The following OR2A12 variants were observed in gnomAD, a reference collection of about 807,000 sequenced individuals.
OR2A12 encodes olfactory receptor 2A12.
For missense variants in OR2A12, 380 were observed against 372.5 expected, an observed-to-expected ratio of 1.02 and a Z score of -0.17; for synonymous variants, 153 against 149.3, an observed-to-expected ratio of 1.02 and a Z score of -0.18.
chr7:144,089,056 C>T (rs866306665), intron 1 of OR2A12, among the ~76,000 whole-genome samples: 1 of 152,068 alleles, frequency 6.6e-6, no homozygotes, highest in Non-Finnish European at 1.5e-5. Context: ...AAACATTCAC[C>T]GTTAAGTATA....
chr7:144,093,681 T>C (rs10226127), intron 1 of OR2A12, among the ~76,000 whole-genome samples: 1 of 144,546 alleles, frequency 6.9e-6, no homozygotes, highest in African/African-American at 2.6e-5. Context: ...CTTGTGTCCA[T>C]GTGTTCTCAT....
At chr7:144,087,076 A>G (rs572201658) in intron 1 of OR2A12, among the ~76,000 whole-genome samples, 1 of 152,282 alleles carries the variant, frequency 6.6e-6, no homozygotes, top group Admixed American at 6.5e-5. Flanking sequence ...GAAGAGGCAT[A>G]AGAGTCATAT....
chr7:144,098,752 A>C lies in OR2A12; in HGVS notation c.*2712A>C, dbSNP rs992972360. 6.6e-6 allele frequency: 1 copy of C among 152,324 alleles called. No homozygotes were observed. Among genetic ancestry groups the C allele is most frequent in the Non-Finnish European group, 1.5e-5 (1 of 68,034 alleles). The allele number at this position is 152,324 out of a possible 1,614,324, so 9.4% of individuals were successfully genotyped here. ...CACATGGCAGAGAGAGAGAGAGCCC[A>C]TATTCTCAATACAATACTAACTCTA... On this transcript the variant is annotated 3_prime_UTR_variant, in exon 2 of 2. Coordinates refer to ENST00000641592, the MANE Select transcript of OR2A12 (RefSeq NM_001004135.2).
chr7:144,088,684 C>T (rs2051204500), intron 1 of OR2A12, among the ~76,000 whole-genome samples: 1 of 152,052 alleles, frequency 6.6e-6, no homozygotes, highest in Non-Finnish European at 1.5e-5. Flanking sequence ...TGTACATTGA[C>T]CTTGAATCCA....
chr7:144,091,694 T>C (rs2051229031), intron 1 of OR2A12, among the ~76,000 whole-genome samples: 1 of 152,008 alleles, frequency 6.6e-6, no homozygotes, highest in Non-Finnish European at 1.5e-5. Flanking sequence ...TTGCTTACTT[T>C]TTAATGGGAT....
intron 1 of OR2A12, 140 bp downstream of exon 1, chr7:144,086,683 C>A (rs1454532166): frequency 6.6e-6 from 1 of 152,232 alleles, no homozygotes; most frequent in Non-Finnish European, 1.5e-5. Context: ...ACCCAACCTG[C>A]TTCAGGTGCA....
chr7:144,087,781 C>T (rs1164079119), intron 1 of OR2A12, among the ~76,000 whole-genome samples: 4 of 152,102 alleles, frequency 2.6e-5, no homozygotes, highest in Non-Finnish European at 2.9e-5. Flanking sequence ...GTTTAAGAAA[C>T]GTTCGCTACT....
rs1458970991 is a variant in OR2A12 at position 144,098,207 on chromosome 7, G to C, written c.*2167G>C. The C allele has an allele frequency of 6.6e-6, 1 of 152,060 alleles. No homozygotes were observed. Among genetic ancestry groups the C allele is most frequent in the Non-Finnish European group, 1.5e-5 (1 of 68,010 alleles). The allele number at this position is 152,060 out of a possible 1,614,324, so 9.4% of individuals were successfully genotyped here. On this transcript the variant is annotated 3_prime_UTR_variant, in exon 2 of 2. Transcript: ENST00000641592. The stretch of plus-strand genomic sequence containing the variant: ...CTTTTTATGGCATTATTAAGTACTT[G>C]AAGTTTTTCCCTTTATATATTTTTT...
In OR2A12 at chr7:144,097,202, A is replaced by C. The variant is rs2128803449; in HGVS notation, c.*1162A>C. On this transcript the variant is annotated 3_prime_UTR_variant, in exon 2 of 2. Coordinates refer to ENST00000641592, the MANE Select transcript of OR2A12 (RefSeq NM_001004135.2). ...CAAAATCAATATAAAAATATATTAT[A>C]TTTTTAAAGCAGTAACAAACAATTA... is the stretch of plus-strand genomic sequence containing the variant. The C allele has an allele frequency of 6.6e-6, 1 of 152,204 alleles. No individual in the cohort carries two copies. Among genetic ancestry groups the C allele is most frequent in the East Asian group, 1.9e-4 (1 of 5,188 alleles). 9.4% of individuals were successfully genotyped at this position (152,204 alleles called of 1,614,324 possible).
At chr7:144,087,970 T>C (rs1315378244) in intron 1 of OR2A12, among the ~76,000 whole-genome samples, 1 of 152,200 alleles carries the variant, frequency 6.6e-6, no homozygotes, top group Non-Finnish European at 1.5e-5. Flanking sequence ...AAAACACCAG[T>C]GCCAACTTTG....
Position 144,095,678 on chromosome 7 carries a change from A to C in OR2A12, c.571A>C (p.Thr191Pro). ...CGTATTCAAATTGGCCTGTGCTGAC[A>C]CTAGGCTCAACCAGGTGGTCCTATT... ...MSVFKLACAD[T>P]RLNQVVLFAG... The change falls in exon 2 of 2, where the codon ACT (threonine) becomes CCT (proline). Residue 191 changes from threonine to proline, a missense_variant. Physicochemically the swap from Thr to Pro is conservative, Grantham distance 38 (BLOSUM62 -1). Coordinates refer to ENST00000641592, the MANE Select transcript of OR2A12 (RefSeq NM_001004135.2). 6.2e-7 allele frequency: 1 copy of C among 1,614,142 alleles called. No individual in the cohort carries two copies. Among genetic ancestry groups the C allele is most frequent in the South Asian group, 1.1e-5 (1 of 91,086 alleles).
intron 1 of OR2A12, among the ~76,000 whole-genome samples, chr7:144,091,763 A>G (rs1447209966): frequency 6.6e-6 from 1 of 152,042 alleles, no homozygotes; most frequent in Non-Finnish European, 1.5e-5. Flanking sequence ...CCTTTGTCAG[A>G]TGTATAGTTT....
Position 144,095,206 on chromosome 7 carries a change from C to G in OR2A12, c.99C>G (p.Phe33Leu). Reference sequence around the variant, plus strand: ...TCCTCTTTGGGTTTTTCTTGCTATTCTACAGCTTAACCCTGATGGGAAATG... The same window carrying G: ...TCCTCTTTGGGTTTTTCTTGCTATTGTACAGCTTAACCCTGATGGGAAATG... ...ELFLFGFFLL[F>L]YSLTLMGNGI... The change falls in exon 2 of 2, where the codon TTC becomes TTG. Residue 33 changes from phenylalanine (F) to leucine (L), a missense_variant. Transcript: ENST00000641592. The G allele has an allele frequency of 6.2e-7, 1 of 1,613,896 alleles. No individual in the cohort carries two copies. The highest frequency in any genetic ancestry group is 8.5e-7 in the Non-Finnish European group (1 of 1,179,864).
chr7:144,093,357 T>C (rs1028174853), intron 1 of OR2A12, among the ~76,000 whole-genome samples: 2 of 152,172 alleles, frequency 1.3e-5, no homozygotes, highest in Non-Finnish European at 1.5e-5. Flanking sequence ...GTTATCCCTT[T>C]GCCTATCTGT....
intron 1 of OR2A12, among the ~76,000 whole-genome samples, chr7:144,088,838 T>C (rs1274660805): frequency 6.6e-6 from 1 of 152,230 alleles, no homozygotes; most frequent in East Asian, 1.9e-4. Context: ...TCTTTTGGTG[T>C]TATTACTGGC....
intron 1 of OR2A12, among the ~76,000 whole-genome samples, chr7:144,088,200 C>G (rs1211914445): frequency 1.3e-5 from 2 of 152,104 alleles, no homozygotes; most frequent in African/African-American, 4.8e-5. Context: ...TTAGTAGAGA[C>G]AGGGTTTTGC....
intron 1 of OR2A12, among the ~76,000 whole-genome samples, chr7:144,087,086 T>A (rs2051192849): frequency 6.6e-6 from 1 of 152,306 alleles, no homozygotes; most frequent in Admixed American, 6.5e-5. Context: ...AAGAGTCATA[T>A]ATATATTCCT....
rs368911511 is a variant in OR2A12, at chr7:144,095,941, C to A, written c.834C>A (p.Ser278Arg). ...GGAAGATCCTTTCCCTGTTTTACAGCCTTTTCAACCCGATCCTGAACCCCC... is the reference window on the plus strand; with the variant it reads ...GGAAGATCCTTTCCCTGTTTTACAGACTTTTCAACCCGATCCTGAACCCCC... ...ERRKILSLFY[S>R]LFNPILNPLI... Residue 278 changes from serine (S) to arginine (R), a missense_variant, in exon 2 of 2, where the codon AGC (serine) becomes AGA (arginine). Transcript: ENST00000641592. 9.0e-5 allele frequency: 145 copies of A among 1,614,092 alleles called. No individual in the cohort carries two copies. The highest frequency in any genetic ancestry group is 4.0e-4 in the Admixed American group (24 of 60,026).
At position 144,096,021 on chromosome 7, in the gene OR2A12, G is replaced by A; in HGVS notation, c.914G>A (p.Trp305Ter). 1 of 1,596,224 alleles carries A rather than the reference G, an allele frequency of 6.3e-7. No individual in the cohort carries two copies. The highest frequency in any genetic ancestry group is 8.5e-7 in the Non-Finnish European group (1 of 1,172,090). Residue 305 changes from tryptophan (W) to a stop codon, truncating the protein, a stop_gained, in exon 2 of 2, where the codon TGG (tryptophan) becomes TAG (stop). Coordinates refer to ENST00000641592, the MANE Select transcript of OR2A12 (RefSeq NM_001004135.2). LOFTEE classifies it high-confidence loss of function. ...AAAGGGGCTCTAAAGAGAGTCCTTTGGAAACAGAGATCAATGTGAAGAATC... is the reference window on the plus strand; with the variant it reads ...AAAGGGGCTCTAAAGAGAGTCCTTTAGAAACAGAGATCAATGTGAAGAATC... ...EVKGALKRVL[W>*]KQRSM is the part of the protein sequence containing the mutation.
Sources: allele counts gnomAD v4.1 joint callset (sites outside exome capture counted in the v4.1 genomes callset), GRCh38; gene constraint gnomAD v4.1.1; transcripts MANE v1.5; gene names NCBI Gene and HGNC (gene_info 2026-07-23, HGNC 2026-07-21).